DIDO1: variants seen among roughly 807,000 people sequenced by gnomAD.
DIDO1 encodes the protein death-inducer obliterator 1.
In DIDO1, 16 loss-of-function variants were observed where a neutral mutation model predicts 99.4. The ratio of observed to expected loss-of-function variants is 0.16; its 90% confidence interval spans 0.11 to 0.24. The LOEUF is 0.24. Among genes scored for constraint, DIDO1 ranks in the 10% least tolerant of loss-of-function variants. The probability of loss-of-function intolerance (pLI) is 1.00; values close to 1 mark genes in which losing one functional copy is unlikely to be tolerated. For missense variants in DIDO1, 2,996 were observed against 3,014.0 expected, an observed-to-expected ratio of 0.99 and a Z score of 0.14; for synonymous variants, 1,366 against 1,239.1, an observed-to-expected ratio of 1.10 and a Z score of -2.15.
At chr20:62,893,006 C>A in intron 12 of DIDO1, 44 bp from the exon 13 acceptor site, 2 of 1,551,760 alleles carry the variant, frequency 1.3e-6, no homozygotes, top group Non-Finnish European at 1.7e-6. Flanking sequence ...TCTCTCTGTG[C>A]AATGAGAATT....
intron 6 of DIDO1, among the ~76,000 whole-genome samples, chr20:62,899,632 G>C (rs756847767): frequency 9.9e-5 from 15 of 152,224 alleles, no homozygotes; most frequent in Non-Finnish European, 1.5e-4. Flanking sequence ...GCAGGAAATA[G>C]CTTTCCTTAA....
intron 3 of DIDO1, among the ~76,000 whole-genome samples, 162 bp downstream of exon 3, chr20:62,910,612 G>C (rs896275541): frequency 6.6e-6 from 1 of 152,206 alleles, no homozygotes; most frequent in Non-Finnish European, 1.5e-5. Flanking sequence ...GGTGGCTCTA[G>C]GAAGTCCTTA....
At chr20:62,906,262 T>C (rs1224298285) in intron 5 of DIDO1, among the ~76,000 whole-genome samples, 162 bp from the exon 6 acceptor site, 1 of 152,208 alleles carries the variant, frequency 6.6e-6, no homozygotes, top group African/African-American at 2.4e-5. Context: ...CACACTTGCG[T>C]ATTCGGTGGG....
Position 62,884,375 on chromosome 20 carries a change from G to A in DIDO1, c.3542-1961C>T, listed in dbSNP as rs375471354. Among the ~76,000 whole-genome samples, 10 of 152,286 alleles carry A rather than the reference G, an allele frequency of 6.6e-5. No homozygotes were observed. The East Asian group carries it at 7.7e-4, about 12-fold the overall frequency. ...CAGGAGCTGAAGGAAAGTGATACACGTGGGTGGGACGTTTCAGCGGCAGCG... is the reference window on the plus strand; with the variant it reads ...CAGGAGCTGAAGGAAAGTGATACACATGGGTGGGACGTTTCAGCGGCAGCG... On this transcript the variant is annotated intron_variant, in intron 15 of 15. Transcript: ENST00000395343.
Position 62,880,267 on chromosome 20 carries a change from G to T in DIDO1, c.5689C>A (p.Leu1897Met). ...FQFGGQRRPL[L>M]SQLKGPRGGP... is the part of the protein sequence containing the mutation. ...CCTCGGGGGCCTTTCAGCTGAGACAGCAGTGGCCTTCTCTGGCCTCCGAAC... is the reference window on the plus strand; with the variant it reads ...CCTCGGGGGCCTTTCAGCTGAGACATCAGTGGCCTTCTCTGGCCTCCGAAC... Residue 1897 changes from leucine (L) to methionine (M), a missense_variant, in exon 16 of 16, where the codon CTG becomes ATG. Coordinates refer to ENST00000395343, the MANE Select transcript of DIDO1 (RefSeq NM_001193369.2). 6.2e-7 allele frequency: 1 copy of T among 1,612,680 alleles called. No homozygotes were observed. The highest frequency in any genetic ancestry group is 8.5e-7 in the Non-Finnish European group (1 of 1,179,922).
rs577091391 is a variant in DIDO1, at chr20:62,888,134, C to T, written c.3541+2826G>A. 6 of 985,500 alleles carry T rather than the reference C, an allele frequency of 6.1e-6. No homozygotes were observed. In the African/African-American group the frequency reaches 8.7e-5, roughly 14 times the overall value. 61.0% of individuals were successfully genotyped at this position (985,500 alleles called of 1,614,324 possible). A position where few individuals can be genotyped will look rare whatever the true frequency, so the allele number is the denominator to read the frequency against. On this transcript the variant is annotated intron_variant, in intron 15 of 15. Coordinates refer to ENST00000395343, the MANE Select transcript of DIDO1 (RefSeq NM_001193369.2). ...GAGGGCACAGCTGGGCACCTTCAGG[C>T]CTTCACTTGCTTAAGTGTGAACAGC...
rs1466601923 is a variant in DIDO1, at chr20:62,880,849, G to A, written c.5107C>T (p.Pro1703Ser). Residue 1703 changes from proline (P) to serine (S), a missense_variant, in exon 16 of 16, where the codon CCA becomes TCA. Pro to Ser is a moderately conservative substitution (Grantham distance 74). Around this residue, in one of 5 missense-constraint regions of DIDO1, gnomAD observed 1,562 missense variants for 1,412.6 expected, o/e 1.11. Transcript: ENST00000395343. Reference sequence around the variant, plus strand: ...CTTCCAGCAGAATGAAGATTTCTTGGGTCCTCATACTGGGCTGAGCCGAGA... The same window carrying A: ...CTTCCAGCAGAATGAAGATTTCTTGAGTCCTCATACTGGGCTGAGCCGAGA... ...KALGSAQYED[P>S]RNLHSAGRSS... 1.2e-6 allele frequency: 2 copies of A among 1,612,778 alleles called. No individual in the cohort carries two copies. The highest frequency in any genetic ancestry group is 2.2e-5 in the South Asian group (2 of 91,088).
intron 3 of DIDO1, 91 bp downstream of exon 3, chr20:62,910,683 C>T (rs2147502023): frequency 1.4e-6 from 2 of 1,418,636 alleles, no homozygotes; most frequent in Non-Finnish European, 1.9e-6. Flanking sequence ...ATCGCTCATC[C>T]AGCCCAGCTT....
At chr20:62,889,107 G>C (rs2064347979) in intron 15 of DIDO1, 1 of 985,404 alleles carries the variant, frequency 1.0e-6, no homozygotes, top group Non-Finnish European at 1.2e-6. Context: ...TGGTCGCGGA[G>C]CTGACAGTGT....
At chr20:62,902,062 G>C (rs1232395515) in intron 6 of DIDO1, among the ~76,000 whole-genome samples, 2 of 152,036 alleles carry the variant, frequency 1.3e-5, no homozygotes, top group Non-Finnish European at 2.9e-5. Flanking sequence ...GATCCTGCTG[G>C]AAACTTCCAT....
At chr20:62,887,895 C>T in intron 15 of DIDO1, 1 of 985,526 alleles carries the variant, frequency 1.0e-6, no homozygotes, top group Non-Finnish European at 1.2e-6. Context: ...TGCTGAGTTA[C>T]AGAGAGTGCC....
intron 13 of DIDO1, 122 bp downstream of exon 13, chr20:62,892,687 G>A (rs576292677): frequency 1.4e-5 from 18 of 1,309,448 alleles, no homozygotes; most frequent in Admixed American, 2.6e-5. Context: ...GGTTGCAAGA[G>A]TGTCAGGCAT....
At chr20:62,886,790 A>G (rs2064303698) in intron 15 of DIDO1, among the ~76,000 whole-genome samples, 1 of 152,232 alleles carries the variant, frequency 6.6e-6, no homozygotes, top group Non-Finnish European at 1.5e-5. Context: ...AAATGTTCAC[A>G]CCTGCTGGAA....
At chr20:62,910,681 T>C in intron 3 of DIDO1, 93 bp downstream of exon 3, 1 of 1,416,552 alleles carries the variant, frequency 7.1e-7, no homozygotes, top group Non-Finnish European at 9.6e-7. Flanking sequence ...AAATCGCTCA[T>C]CCAGCCCAGC....
Position 62,879,991 on chromosome 20 carries a change from A to C in DIDO1, c.5965T>G (p.Phe1989Val). ...GGTGCGGACCCCCGTAGTCCACCAA[A>C]CTGCAGGGGTGCAGGCGCCCTTTGG... Reference protein sequence around the residue: ...TNQRAPAPLQFGGLRGSAPFS... With the variant: ...TNQRAPAPLQVGGLRGSAPFS... The change falls in exon 16 of 16, where the codon TTT becomes GTT. Residue 1989 changes from phenylalanine (F) to valine (V), a missense_variant. Physicochemically the swap from Phe to Val is conservative, Grantham distance 50. Around this residue, in one of 5 missense-constraint regions of DIDO1, gnomAD observed 1,562 missense variants for 1,412.6 expected, o/e 1.11. Coordinates refer to ENST00000395343, the MANE Select transcript of DIDO1 (RefSeq NM_001193369.2). This position sits in a 1 kb window ranked among gnomAD's most constrained non-coding sequence, Gnocchi z 6.3. The C allele has an allele frequency of 1.2e-6, 2 of 1,610,940 alleles. No homozygotes were observed. The highest frequency in any genetic ancestry group is 2.2e-5 in the South Asian group (2 of 90,974).
At chr20:62,901,363 C>T (rs1415567081) in intron 6 of DIDO1, among the ~76,000 whole-genome samples, 1 of 152,186 alleles carries the variant, frequency 6.6e-6, no homozygotes, top group Non-Finnish European at 1.5e-5. Flanking sequence ...ATGAGGGCCA[C>T]GTGGACAGAT....
intron 15 of DIDO1, among the ~76,000 whole-genome samples, chr20:62,887,009 G>A (rs150688923): frequency 1.4e-4 from 21 of 152,314 alleles, no homozygotes; most frequent in Non-Finnish European, 2.4e-4. Context: ...GGAGAGCGAC[G>A]TCCATCTTCT....
At chr20:62,899,652 T>G (rs1289434152) in intron 6 of DIDO1, among the ~76,000 whole-genome samples, 1 of 152,232 alleles carries the variant, frequency 6.6e-6, no homozygotes, top group Non-Finnish European at 1.5e-5. Context: ...ACCATTGCTA[T>G]TTTAGAAAAT....
At chr20:62,890,353 C>G (rs1489502373) in intron 15 of DIDO1, 3 of 986,576 alleles carry the variant, frequency 3.0e-6, no homozygotes, top group African/African-American at 3.5e-5. Context: ...CACCCTCAAC[C>G]CTTGACAAAG....
Sources: allele counts gnomAD v4.1 joint callset (sites outside exome capture counted in the v4.1 genomes callset), GRCh38; gene constraint gnomAD v4.1.1; regional missense constraint gnomAD v4.1.1; non-coding constraint Gnocchi (gnomAD v3.1); transcripts MANE v1.5; gene names NCBI Gene and HGNC (gene_info 2026-07-23, HGNC 2026-07-21).